SCAPER: variants seen among roughly 807,000 people sequenced by gnomAD.
The protein encoded by SCAPER is S-phase cyclin A associated protein in the ER, also known as S phase cyclin A-associated protein in the endoplasmic reticulum.
In SCAPER, 98 loss-of-function variants were observed where a neutral mutation model predicts 182.2. The ratio of observed to expected loss-of-function variants is 0.54; its 90% CI spans 0.46 to 0.64. SCAPER has a LOEUF of 0.64. Ranked by LOEUF, SCAPER falls within the 30% of genes least tolerant of loss-of-function variation. The probability of loss-of-function intolerance (pLI) is 0.00; values close to 1 mark genes in which losing one functional copy is unlikely to be tolerated. For synonymous variants in SCAPER, 605 were observed against 564.6 expected (o/e 1.07, Z -1.01); for missense variants, 1,432 against 1,690.0 (o/e 0.85, Z 2.68).
intron 29 of SCAPER, among the ~76,000 whole-genome samples, chr15:76,357,969 A>G (rs1436686913): frequency 6.6e-6 from 1 of 152,206 alleles, no homozygotes; most frequent in African/African-American, 2.4e-5. Context: ...GAGGAATGAG[A>G]AATTACCTGA....
intron 22 of SCAPER, among the ~76,000 whole-genome samples, chr15:76,606,466 G>C (rs2050410398): frequency 6.6e-6 from 1 of 152,182 alleles, no homozygotes; most frequent in African/African-American, 2.4e-5. Context: ...TAGGTGTGGT[G>C]TGGTGCTGAA....
At chr15:76,560,808 A>C (rs1567459308) in intron 23 of SCAPER, among the ~76,000 whole-genome samples, 1 of 152,214 alleles carries the variant, frequency 6.6e-6, no homozygotes, top group East Asian at 1.9e-4. Context: ...TACACCTAGC[A>C]CTAGAAAGAA....
At chr15:76,718,464 G>A (rs559539488) in intron 17 of SCAPER, among the ~76,000 whole-genome samples, 109 of 151,986 alleles carry the variant, frequency 7.2e-4, no homozygotes, top group Non-Finnish European at 1.2e-3. Context: ...AAAAGCGGGC[G>A]GATCACTTGA....
chr15:76,490,428 A>G (rs537550812), intron 24 of SCAPER, among the ~76,000 whole-genome samples: 2 of 152,084 alleles, frequency 1.3e-5, no homozygotes, highest in African/African-American at 4.8e-5. Flanking sequence ...GGCCATTTGT[A>G]TGTCTTCTTT....
At position 76,905,323 on chromosome 15, in the gene SCAPER, G is replaced by C. The variant is rs942211513; in HGVS notation, c.-84C>G. 10 of 257,266 alleles carry C rather than the reference G, an allele frequency of 3.9e-5. No individual in the cohort carries two copies. Among genetic ancestry groups the C allele is most frequent in the African/African-American group, 9.3e-5 (4 of 42,858 alleles). The allele number at this position is 257,266 out of a possible 1,614,324, so 15.9% of individuals were successfully genotyped here. A position where few individuals can be genotyped will look rare whatever the true frequency, so the allele number is the denominator to read the frequency against. On this transcript the variant is annotated 5_prime_UTR_variant, in exon 1 of 32. Coordinates refer to ENST00000563290, the MANE Select transcript of SCAPER (RefSeq NM_020843.4). ...CCCCCGACCGCCCTGCTTAGTTCGG[G>C]GCGGCTCAAAGCGTCCCGCCGGGAA...
intron 23 of SCAPER, among the ~76,000 whole-genome samples, chr15:76,526,755 C>T (rs2043228315): frequency 6.6e-6 from 1 of 151,832 alleles, no homozygotes; most frequent in Admixed American, 6.6e-5. Context: ...TTTTAAATCA[C>T]CTATGATTTC....
intron 15 of SCAPER, among the ~76,000 whole-genome samples, chr15:76,733,697 T>C (rs2061065988): frequency 1.3e-5 from 2 of 151,868 alleles, no homozygotes; most frequent in African/African-American, 4.8e-5. Flanking sequence ...GAGGTTGCAG[T>C]GAGCCAAGAT....
chr15:76,797,798 G>A (rs568779825), intron 7 of SCAPER, among the ~76,000 whole-genome samples: 7 of 152,064 alleles, frequency 4.6e-5, no homozygotes, highest in African/African-American at 1.2e-4. Context: ...ATATACAGAC[G>A]TCACAGAATG....
intron 20 of SCAPER, among the ~76,000 whole-genome samples, chr15:76,692,443 C>T (rs2058412495): frequency 6.6e-6 from 1 of 152,052 alleles, no homozygotes; most frequent in Non-Finnish European, 1.5e-5. Flanking sequence ...AATCCCAGTA[C>T]TTTGGGAGGC....
At chr15:76,455,297 T>G (rs934075591) in intron 25 of SCAPER, among the ~76,000 whole-genome samples, 9 of 152,350 alleles carry the variant, frequency 5.9e-5, no homozygotes, top group South Asian at 4.1e-4. Flanking sequence ...ATTTTTCCAT[T>G]TTAGGTTTTA....
chr15:76,842,102 A>G (rs1167567711), intron 4 of SCAPER, among the ~76,000 whole-genome samples, 171 bp from the exon 5 acceptor site: 1 of 152,254 alleles, frequency 6.6e-6, no homozygotes, highest in Non-Finnish European at 1.5e-5. Flanking sequence ...ACAATACAGT[A>G]TAACAACTAT....
intron 25 of SCAPER, among the ~76,000 whole-genome samples, chr15:76,451,035 T>C (rs1018735381): frequency 2.0e-5 from 3 of 152,246 alleles, no homozygotes; most frequent in Admixed American, 1.3e-4. Flanking sequence ...CTTTTGCCCC[T>C]GTGGGCATAG....
intron 17 of SCAPER, among the ~76,000 whole-genome samples, chr15:76,709,191 G>A (rs2059429923): frequency 6.6e-6 from 1 of 152,168 alleles, no homozygotes; most frequent in Non-Finnish European, 1.5e-5. Context: ...GAATGCAGTA[G>A]CGCAATCTCG....
At chr15:76,518,401 G>A (rs548344511) in intron 23 of SCAPER, among the ~76,000 whole-genome samples, 1 of 152,268 alleles carries the variant, frequency 6.6e-6, no homozygotes, top group East Asian at 1.9e-4. Context: ...TTTCCAAGAA[G>A]CAGCTGGGGT....
chr15:76,533,435 T>A (rs946122771), intron 23 of SCAPER, among the ~76,000 whole-genome samples: 2 of 152,244 alleles, frequency 1.3e-5, no homozygotes, highest in Admixed American at 1.3e-4. Context: ...TTCAGCATAG[T>A]ATTCAGTACA....
chr15:76,905,208 TC>T, intron 1 of SCAPER, 90 bp downstream of exon 1: 1 of 166,018 alleles, frequency 6.0e-6, no homozygotes, highest in Non-Finnish European at 1.4e-5. Context: ...CGCCATTTTG[TC>T]CCCTGGTCCC....
At chr15:76,608,539 A>G (rs1053338302) in intron 22 of SCAPER, among the ~76,000 whole-genome samples, 7 of 152,116 alleles carry the variant, frequency 4.6e-5, no homozygotes, top group African/African-American at 1.7e-4. Flanking sequence ...TACTCTCTTT[A>G]AAGCTGCCAG....
intron 26 of SCAPER, among the ~76,000 whole-genome samples, chr15:76,421,133 C>T (rs2046006905): frequency 1.3e-5 from 2 of 152,302 alleles, no homozygotes; most frequent in South Asian, 4.1e-4. Flanking sequence ...TGGGTATATA[C>T]CCAGTAATGG....
At chr15:76,662,930 A>G (rs2056307054) in intron 21 of SCAPER, among the ~76,000 whole-genome samples, 1 of 152,116 alleles carries the variant, frequency 6.6e-6, no homozygotes, top group South Asian at 2.1e-4. Flanking sequence ...CCCAGAAAGC[A>G]CTAGACATAA....
Sources: allele counts gnomAD v4.1 joint callset (sites outside exome capture counted in the v4.1 genomes callset), GRCh38; gene constraint gnomAD v4.1.1; transcripts MANE v1.5; gene names NCBI Gene and HGNC (gene_info 2026-07-23, HGNC 2026-07-21).